Variants in PTPRD observed in about 807,000 individuals in gnomAD.
PTPRD encodes the protein protein tyrosine phosphatase receptor type D, also known as receptor-type tyrosine-protein phosphatase delta.
Under a neutral mutation model 214.5 loss-of-function variants are expected in PTPRD, and 34 were observed. That is an observed-to-expected ratio of 0.16 (90% CI 0.12 to 0.21). PTPRD has a LOEUF of 0.21. PTPRD is among the 10% of genes least tolerant of loss of function. The pLI, the probability that PTPRD is intolerant of heterozygous loss-of-function variation, is 1.00. For missense variants in PTPRD, 2,545 were observed against 2,398.7 expected (o/e 1.06, Z -1.27); for synonymous variants, 1,128 against 845.7 (o/e 1.33, Z -5.79).
Position 9,276,018 on chromosome 9 carries a change from A to T in PTPRD, c.-202-92655T>A, listed in dbSNP as rs183158178. ...TTTATTATAACAAATTTCTCGGGAT[A>T]ATAAAAGACATCATCTCAGCCCTAG... is the stretch of plus-strand genomic sequence containing the variant. On this transcript the variant is annotated intron_variant, in intron 9 of 45. Transcript: ENST00000381196. Among the ~76,000 whole-genome samples, 18 of 151,504 alleles carry T rather than the reference A, an allele frequency of 1.2e-4. 1 individual carries two copies. The highest frequency in any genetic ancestry group is 2.6e-4 in the Admixed American group (4 of 15,166).
intron 9 of PTPRD, among the ~76,000 whole-genome samples, chr9:9,393,371 T>C (rs1043643296): frequency 2.6e-5 from 4 of 152,278 alleles, no homozygotes; most frequent in African/African-American, 9.6e-5. Context: ...GGAGCTGAGC[T>C]GCATGCTATG....
intron 4 of PTPRD, among the ~76,000 whole-genome samples, chr9:10,024,825 C>A (rs10809014): frequency 0.25 from 34,522 of 136,854 alleles, 5,171 homozygotes; most frequent in Middle Eastern, 0.36. Flanking sequence ...GTTCCCCTTC[C>A]TGTGTCCATG....
intron 11 of PTPRD, among the ~76,000 whole-genome samples, chr9:8,841,325 T>C (rs1375334053): frequency 6.6e-6 from 1 of 152,222 alleles, no homozygotes; most frequent in Non-Finnish European, 1.5e-5. Context: ...CTTTTCCACT[T>C]TGTTACAAGG....
intron 9 of PTPRD, among the ~76,000 whole-genome samples, chr9:9,283,296 C>G (rs568000403): frequency 1.3e-5 from 2 of 151,490 alleles, no homozygotes; most frequent in Admixed American, 6.6e-5. Context: ...CTATAGAGAG[C>G]AATGTGGTAG....
chr9:8,410,211 A>G (rs530075296), intron 35 of PTPRD, among the ~76,000 whole-genome samples: 1 of 152,246 alleles, frequency 6.6e-6, no homozygotes, highest in African/African-American at 2.4e-5. Context: ...TGCAATTGGC[A>G]TAATGAATAC....
At chr9:8,746,412 G>A (rs987260824) in intron 11 of PTPRD, among the ~76,000 whole-genome samples, 2 of 151,966 alleles carry the variant, frequency 1.3e-5, no homozygotes, top group African/African-American at 4.8e-5. Context: ...GTATCAGAGT[G>A]GCAGCGAAAA....
chr9:10,160,768 G>A (rs2099122885), intron 3 of PTPRD, among the ~76,000 whole-genome samples: 1 of 151,822 alleles, frequency 6.6e-6, no homozygotes, highest in Admixed American at 6.6e-5. Flanking sequence ...TCCAAATTGG[G>A]AAGAAAAACT....
In PTPRD at chr9:10,535,893, G is replaced by A. The variant is rs373599280; in HGVS notation, c.-600+76505C>T. ...TATGGCCTCTATTGTCACAAAGTGA[G>A]AAAGCAGACATAGGTTTCACACAGG... On this transcript the variant is annotated intron_variant, in intron 2 of 45. Coordinates refer to ENST00000381196, the MANE Select transcript of PTPRD (RefSeq NM_002839.4). Among the ~76,000 whole-genome samples the A allele has an allele frequency of 7.2e-5, 11 of 152,242 alleles. No individual in the cohort carries two copies. In the East Asian group the frequency reaches 1.9e-3, roughly 27 times the overall value.
chr9:8,732,318 C>T lies in PTPRD; in HGVS notation c.64+1462G>A, dbSNP rs932830460. 2.0e-5 allele frequency among the ~76,000 whole-genome samples: 3 copies of T among 152,152 alleles called. No individual in the cohort carries two copies. The East Asian group carries it at 5.8e-4, about 29-fold the overall frequency. On this transcript the variant is annotated intron_variant, in intron 12 of 45. Transcript: ENST00000381196. ...TTATATCTAGTAACTTTAAGAAAAA[C>T]TCTAGCTGTGATCTGACATTAAACT...
At chr9:10,526,043 A>G (rs1215518695) in intron 2 of PTPRD, among the ~76,000 whole-genome samples, 1 of 152,120 alleles carries the variant, frequency 6.6e-6, no homozygotes, top group Non-Finnish European at 1.5e-5. Context: ...CAGTAGACTT[A>G]TCTGACCTAG....
At chr9:8,621,638 C>A (rs78707674) in intron 14 of PTPRD, among the ~76,000 whole-genome samples, 5,289 of 151,644 alleles carry the variant, frequency 0.035, 329 homozygotes, top group African/African-American at 0.12. Context: ...TGAGGGAATT[C>A]CATTTGCTAT....
chr9:8,923,699 TA>T (rs1245264941), intron 11 of PTPRD, among the ~76,000 whole-genome samples: 1 of 152,216 alleles, frequency 6.6e-6, no homozygotes, highest in African/African-American at 2.4e-5. Context: ...AAAACTTAGG[TA>T]AACTCTCCAA....
intron 3 of PTPRD, among the ~76,000 whole-genome samples, chr9:10,132,968 G>A (rs2098910075): frequency 1.2e-5 from 1 of 86,246 alleles, no homozygotes; most frequent in South Asian, 4.1e-4. Flanking sequence ...TTATTTTGTA[G>A]CTTCTGCCTT....
At chr9:10,070,353 C>T (rs903999754) in intron 3 of PTPRD, among the ~76,000 whole-genome samples, 8 of 151,978 alleles carry the variant, frequency 5.3e-5, no homozygotes, top group African/African-American at 1.9e-4. Context: ...AAGTTTTTCT[C>T]TAACCTTTGT....
chr9:9,270,541 A>T (rs938568111), intron 9 of PTPRD, among the ~76,000 whole-genome samples: 1 of 151,366 alleles, frequency 6.6e-6, no homozygotes, highest in Non-Finnish European at 1.5e-5. Flanking sequence ...CTGAGTGTGA[A>T]CTACAGAGTA....
chr9:9,961,641 T>C (rs2094372269), intron 4 of PTPRD, among the ~76,000 whole-genome samples: 1 of 152,102 alleles, frequency 6.6e-6, no homozygotes, highest in African/African-American at 2.4e-5. Context: ...GTGGGAAATG[T>C]TATGACAGAG....
At chr9:9,451,206 G>A (rs929425691) in intron 8 of PTPRD, among the ~76,000 whole-genome samples, 2 of 151,744 alleles carry the variant, frequency 1.3e-5, no homozygotes, top group East Asian at 1.9e-4. Context: ...TTTACCCCAT[G>A]TATGGAGAAC....
At chr9:8,699,634 T>C (rs1167469536) in intron 12 of PTPRD, among the ~76,000 whole-genome samples, 1 of 152,198 alleles carries the variant, frequency 6.6e-6, no homozygotes, top group African/African-American at 2.4e-5. Flanking sequence ...TTCATGAATA[T>C]AATTTCATAT....
rs188463268 is a variant in PTPRD at position 10,226,684 on chromosome 9, G to C, written c.-545+114279C>G. Among the ~76,000 whole-genome samples, 34 of 152,144 alleles carry C rather than the reference G, an allele frequency of 2.2e-4. 2 individuals are homozygous for C. In the East Asian group the frequency reaches 6.0e-3, roughly 27 times the overall value. On this transcript the variant is annotated intron_variant, in intron 3 of 45. Transcript: ENST00000381196. ...ACCATACTGTTCACTTGCCCATGAAGCTAGCCCTTTTCCCATTTTACAAAT... is the reference window on the plus strand; with the variant it reads ...ACCATACTGTTCACTTGCCCATGAACCTAGCCCTTTTCCCATTTTACAAAT...
Sources: allele counts gnomAD v4.1 joint callset (sites outside exome capture counted in the v4.1 genomes callset), GRCh38; gene constraint gnomAD v4.1.1; transcripts MANE v1.5; gene names NCBI Gene and HGNC (gene_info 2026-07-23, HGNC 2026-07-21).